The following SLC41A2 variants were observed in gnomAD, a reference collection of about 807,000 sequenced individuals.
The protein encoded by SLC41A2 is solute carrier family 41 member 2, also known as SLC41A1-like 1.
SLC41A2 carries 32 observed loss-of-function variants against 58.3 expected under a neutral mutation model. The observed-to-expected ratio is 0.55, with a 90% CI of 0.41 to 0.74. The LOEUF (loss-of-function observed/expected upper bound fraction) is 0.74, where lower values mean the gene tolerates loss of function less well. Among genes scored for constraint, SLC41A2 ranks in the 30% least tolerant of loss-of-function variants. The pLI is 0.00. For synonymous variants in SLC41A2, 190 were observed against 235.0 expected (o/e 0.81, Z 1.75); for missense variants, 514 against 680.6 (o/e 0.76, Z 2.72).
chr12:104,932,358 G>C (rs2047084389), intron 1 of SLC41A2, among the ~76,000 whole-genome samples: 1 of 152,066 alleles, frequency 6.6e-6, no homozygotes, highest in South Asian at 2.1e-4. Context: ...GGGTGCAGTG[G>C]CTCATGCCTG....
intron 10 of SLC41A2, among the ~76,000 whole-genome samples, chr12:104,844,098 G>C (rs2042518055): frequency 6.6e-6 from 1 of 152,098 alleles, no homozygotes. Context: ...ACAAAGTTTA[G>C]CAAGAAGCCA....
intron 10 of SLC41A2, among the ~76,000 whole-genome samples, chr12:104,821,396 C>T (rs1195301718): frequency 2.6e-5 from 4 of 152,056 alleles, no homozygotes; most frequent in Non-Finnish European, 5.9e-5. Flanking sequence ...TGATAACATT[C>T]ATAACCTTGA....
intron 6 of SLC41A2, among the ~76,000 whole-genome samples, chr12:104,884,333 C>G (rs1354692171): frequency 6.6e-6 from 1 of 152,196 alleles, no homozygotes; most frequent in Non-Finnish European, 1.5e-5. Context: ...TCGGCTCACA[C>G]ACTGTGGGCT....
intron 10 of SLC41A2, among the ~76,000 whole-genome samples, chr12:104,824,586 G>A (rs930270608): frequency 2.6e-5 from 4 of 152,194 alleles, no homozygotes; most frequent in Non-Finnish European, 4.4e-5. Flanking sequence ...CCAGGATACA[G>A]AAAGCCCTCT....
intron 10 of SLC41A2, among the ~76,000 whole-genome samples, chr12:104,813,718 C>T (rs909486732): frequency 6.6e-6 from 1 of 152,192 alleles, no homozygotes; most frequent in Non-Finnish European, 1.5e-5. Flanking sequence ...TCACTGCAAC[C>T]TCTGTTTCCC....
intron 1 of SLC41A2, 71 bp from the exon 2 acceptor site, chr12:104,928,765 T>C (rs2046947213): frequency 2.9e-6 from 1 of 346,494 alleles, no homozygotes; most frequent in Non-Finnish European, 5.2e-6. Flanking sequence ...GATACTTCAA[T>C]TCTTATAAAG....
intron 3 of SLC41A2, among the ~76,000 whole-genome samples, chr12:104,905,679 G>A (rs568247878): frequency 6.4e-4 from 98 of 152,238 alleles, no homozygotes; most frequent in South Asian, 4.1e-4. Flanking sequence ...GCTAAGGCCC[G>A]GCGAGAAATC....
At chr12:104,951,521 C>T (rs559549632) in intron 1 of SLC41A2, 1 of 152,106 alleles carries the variant, frequency 6.6e-6, no homozygotes, top group Non-Finnish European at 1.5e-5. Context: ...CTTCTTTTAC[C>T]ACTGATCGGA....
chr12:104,876,564 T>C (rs2135573327), intron 6 of SLC41A2, among the ~76,000 whole-genome samples: 1 of 152,270 alleles, frequency 6.6e-6, no homozygotes, highest in Middle Eastern at 3.4e-3. Context: ...TTTTTGAATT[T>C]TCCAGTTTTT....
At chr12:104,888,619 C>G (rs907512729) in intron 5 of SLC41A2, among the ~76,000 whole-genome samples, 8 of 152,004 alleles carry the variant, frequency 5.3e-5, no homozygotes, top group Non-Finnish European at 1.0e-4. Context: ...TTCTTGAAAT[C>G]TGAAACAAAA....
intron 2 of SLC41A2, 33 bp from the exon 3 acceptor site, chr12:104,909,795 G>T: frequency 7.0e-7 from 1 of 1,426,580 alleles, no homozygotes; most frequent in Non-Finnish European, 9.6e-7. Flanking sequence ...AAATTTTCTG[G>T]CACTCTTTAA....
intron 1 of SLC41A2, among the ~76,000 whole-genome samples, chr12:104,940,190 T>G (rs1397722191): frequency 6.6e-6 from 1 of 151,964 alleles, no homozygotes; most frequent in Non-Finnish European, 1.5e-5. Context: ...TTTTGTATTT[T>G]TAGTAGAGAT....
chr12:104,916,604 T>G (rs1229269885), intron 2 of SLC41A2, among the ~76,000 whole-genome samples: 1 of 151,920 alleles, frequency 6.6e-6, no homozygotes, highest in Admixed American at 6.6e-5. Context: ...CAAAACAGCA[T>G]GGTACTGGTA....
intron 10 of SLC41A2, among the ~76,000 whole-genome samples, chr12:104,810,429 T>C (rs1185035918): frequency 6.6e-6 from 1 of 152,170 alleles, no homozygotes; most frequent in African/African-American, 2.4e-5. Flanking sequence ...CATGTTTACA[T>C]ATTAACAATG....
intron 2 of SLC41A2, among the ~76,000 whole-genome samples, chr12:104,927,321 G>A (rs1350115757): frequency 6.6e-6 from 1 of 152,058 alleles, no homozygotes; most frequent in Non-Finnish European, 1.5e-5. Context: ...GGAAGAATGA[G>A]TAAGTAAATT....
chr12:104,878,590 G>A lies in SLC41A2; in HGVS notation c.1027+7703C>T, dbSNP rs149263975. ...TGGTTTTCTGTCCATGCAACAGTTT[G>A]CTCAGAATGATGGTTTCCAGCTTCA... On this transcript the variant is annotated intron_variant, in intron 6 of 10. Transcript: ENST00000258538. Among the ~76,000 whole-genome samples, 12 of 151,684 alleles carry A rather than the reference G, an allele frequency of 7.9e-5. No individual in the cohort carries two copies. In the East Asian group the frequency reaches 2.1e-3, roughly 27 times the overall value.
intron 8 of SLC41A2, among the ~76,000 whole-genome samples, chr12:104,848,387 C>G (rs11112211): frequency 0.087 from 13,202 of 151,870 alleles, 634 homozygotes; most frequent in South Asian, 0.11. Flanking sequence ...TATCAATGAT[C>G]TAAGGCTCAC....
At chr12:104,865,107 G>C (rs2043373453) in intron 7 of SLC41A2, among the ~76,000 whole-genome samples, 1 of 152,166 alleles carries the variant, frequency 6.6e-6, no homozygotes, top group Non-Finnish European at 1.5e-5. Flanking sequence ...GGACTCACAA[G>C]GGTTAGTATC....
intron 10 of SLC41A2, among the ~76,000 whole-genome samples, chr12:104,808,903 T>A (rs1213399056): frequency 6.6e-6 from 1 of 152,098 alleles, no homozygotes; most frequent in Non-Finnish European, 1.5e-5. Flanking sequence ...TCTGTGGGAT[T>A]TTTAAATTTT....
Sources: allele counts gnomAD v4.1 joint callset (sites outside exome capture counted in the v4.1 genomes callset), GRCh38; gene constraint gnomAD v4.1.1; transcripts MANE v1.5; gene names NCBI Gene and HGNC (gene_info 2026-07-23, HGNC 2026-07-21).